The following ESR1 variants were observed in gnomAD, a reference collection of about 807,000 sequenced individuals.
The protein encoded by ESR1 is estrogen receptor 1.
Under a neutral mutation model 52.7 loss-of-function variants are expected in ESR1, and 12 were observed. The observed-to-expected ratio is 0.23, with a 90% CI of 0.15 to 0.37. The LOEUF (loss-of-function observed/expected upper bound fraction) is 0.37. ESR1 is among the 10% of genes least tolerant of loss of function. ESR1 has a pLI of 1.00. For synonymous variants in ESR1, 305 were observed against 316.8 expected (o/e 0.96, Z 0.39); for missense variants, 584 against 779.7 (o/e 0.75, Z 2.99).
intron 6 of ESR1, among the ~76,000 whole-genome samples, chr6:152,085,818 G>C (rs536750658): frequency 1.3e-5 from 2 of 152,304 alleles, no homozygotes; most frequent in South Asian, 4.1e-4. Flanking sequence ...TTTCAAGGGA[G>C]AGGGCCCAGA....
intron 4 of ESR1, among the ~76,000 whole-genome samples, chr6:151,996,848 G>C (rs116280429): frequency 7.9e-5 from 12 of 152,164 alleles, no homozygotes; most frequent in African/African-American, 2.9e-4. Flanking sequence ...ATCCATAAGT[G>C]CCACGCTTGG....
At chr6:151,663,482 T>TTCAA (rs1277791036) in intron 1 of ESR1, among the ~76,000 whole-genome samples, 2 of 152,362 alleles carry the variant, frequency 1.3e-5, no homozygotes, top group African/African-American at 4.8e-5. Context: ...CACCTTTTGT[T>TTCAA]TCAATTTTTT....
At chr6:151,728,740 A>G (rs1287954654) in intron 2 of ESR1, among the ~76,000 whole-genome samples, 1 of 152,154 alleles carries the variant, frequency 6.6e-6, no homozygotes, top group Non-Finnish European at 1.5e-5. Flanking sequence ...TGTTTACCAA[A>G]AAGAATGTCT....
intron 3 of ESR1, among the ~76,000 whole-genome samples, chr6:151,906,314 C>CT (rs988103503): frequency 4.6e-5 from 7 of 151,746 alleles, no homozygotes; most frequent in African/African-American, 1.2e-4. Flanking sequence ...AAACAGAAGA[C>CT]TTTTTTTAAA....
intron 1 of ESR1, among the ~76,000 whole-genome samples, chr6:151,810,148 C>A (rs1778570621): frequency 6.6e-6 from 1 of 152,046 alleles, no homozygotes; most frequent in Non-Finnish European, 1.5e-5. Context: ...CAGAGGGGAT[C>A]GCATCTTATT....
In ESR1 at chr6:151,981,486, C is replaced by T. The variant is rs1474175931; in HGVS notation, c.1097-30170C>T. ...AATAGTATTATGGAAACTTTCGACC[C>T]AAGGGAAATATCAAGGCTAAAGTTG... is the stretch of plus-strand genomic sequence containing the variant. On this transcript the variant is annotated intron_variant, in intron 4 of 7. Coordinates refer to ENST00000206249, the MANE Select transcript of ESR1 (RefSeq NM_000125.4). 4.6e-5 allele frequency among the ~76,000 whole-genome samples: 7 copies of T among 152,088 alleles called. No homozygotes were observed. The East Asian group carries it at 1.3e-3, about 29-fold the overall frequency.
intron 4 of ESR1, among the ~76,000 whole-genome samples, chr6:151,961,066 G>T (rs987286608): frequency 1.1e-4 from 16 of 152,186 alleles, no homozygotes; most frequent in African/African-American, 3.9e-4. Context: ...TGGCTATGTT[G>T]AATTTGAGAT....
intron 1 of ESR1, among the ~76,000 whole-genome samples, chr6:151,833,512 C>T (rs1010856300): frequency 1.3e-5 from 2 of 152,056 alleles, no homozygotes; most frequent in African/African-American, 4.8e-5. Context: ...GACAGGTTTG[C>T]AATGTGGAGG....
chr6:152,049,953 C>T (rs2046541702), intron 5 of ESR1, among the ~76,000 whole-genome samples: 1 of 152,198 alleles, frequency 6.6e-6, no homozygotes, highest in Non-Finnish European at 1.5e-5. Flanking sequence ...TCACTTCCTG[C>T]TTTGTTTTCA....
At position 151,766,788 on chromosome 6, in the gene ESR1, G is replaced by A. The variant is rs553121427; in HGVS notation, c.-70-41055G>A. On this transcript the variant is annotated intron_variant, in intron 2 of 2. Coordinates refer to the ESR1 transcript ENST00000404742. ...GGGAGAAAAATAGCTAACTTTTCTA[G>A]CGATAGATACATGTCAGAAGCTGTA... Among the ~76,000 whole-genome samples the A allele has an allele frequency of 2.0e-5, 3 of 152,282 alleles. No individual in the cohort carries two copies. The South Asian group carries it at 6.2e-4, about 32-fold the overall frequency.
At chr6:152,036,219 G>T (rs1221199756) in intron 5 of ESR1, among the ~76,000 whole-genome samples, 2 of 152,146 alleles carry the variant, frequency 1.3e-5, no homozygotes, top group Non-Finnish European at 2.9e-5. Context: ...AATTAGCTGG[G>T]CGTGGTGGCG....
intron 2 of ESR1, among the ~76,000 whole-genome samples, chr6:151,785,788 T>G (rs1207576026): frequency 6.6e-6 from 1 of 152,228 alleles, no homozygotes; most frequent in Non-Finnish European, 1.5e-5. Flanking sequence ...AATCCTGGAC[T>G]GCATTGTGGT....
At position 152,011,969 on chromosome 6, in the gene ESR1, G is replaced by A. The variant is rs13203975; in HGVS notation, c.1235+175G>A. 0.17 allele frequency among the ~76,000 whole-genome samples: 25,713 copies of A among 149,540 alleles called. 2,668 individuals carry two copies. Among genetic ancestry groups the A allele is most frequent in the East Asian group, 0.33 (1,664 of 5,020 alleles). On this transcript the variant is annotated intron_variant, in intron 5 of 7. Transcript: ENST00000206249. ...CTAGTCAAATTCACAGAAAGCTAAG[G>A]ATAACTTTCTGCTAGACATTACCTC...
intron 1 of ESR1, among the ~76,000 whole-genome samples, chr6:151,836,184 G>A (rs1783299886): frequency 6.6e-6 from 1 of 152,194 alleles, no homozygotes; most frequent in South Asian, 2.1e-4. Context: ...TAATGAGTTA[G>A]ATGTAGGAGA....
chr6:151,785,183 G>A lies in ESR1; in HGVS notation c.-70-22660G>A, dbSNP rs372469635. ...GACACCTGAAATTGGCCATCACAGT[G>A]ACCAAGACAGAAAGTGTAATGAGCA... On this transcript the variant is annotated intron_variant, in intron 2 of 2. Transcript: ENST00000404742. 1.6e-4 allele frequency among the ~76,000 whole-genome samples: 24 copies of A among 152,312 alleles called. No homozygotes were observed. The South Asian group carries it at 4.8e-3, about 30-fold the overall frequency.
intron 1 of ESR1, among the ~76,000 whole-genome samples, chr6:151,677,143 A>C (rs1778280464): frequency 6.6e-6 from 1 of 152,176 alleles, no homozygotes; most frequent in Non-Finnish European, 1.5e-5. Flanking sequence ...CAAGCTGAGC[A>C]AGAAGAAAAA....
intron 2 of ESR1, among the ~76,000 whole-genome samples, chr6:151,728,020 C>T (rs979847979): frequency 3.9e-5 from 6 of 152,132 alleles, no homozygotes; most frequent in African/African-American, 7.2e-5. Context: ...CAGGGGAAGG[C>T]CAAGCACCTT....
intron 1 of ESR1, among the ~76,000 whole-genome samples, chr6:151,661,579 T>G (rs745310692): frequency 2.0e-5 from 3 of 152,258 alleles, no homozygotes; most frequent in Admixed American, 6.5e-5. Context: ...AAAATAGTTA[T>G]GTGCACAGCC....
chr6:151,981,834 C>G (rs551710662), intron 4 of ESR1, among the ~76,000 whole-genome samples: 1 of 152,292 alleles, frequency 6.6e-6, no homozygotes, highest in Non-Finnish European at 1.5e-5. Flanking sequence ...AGCAGTTTGT[C>G]TGTCTGTCAT....
Sources: allele counts gnomAD v4.1 joint callset (sites outside exome capture counted in the v4.1 genomes callset), GRCh38; gene constraint gnomAD v4.1.1; transcripts MANE v1.5; gene names NCBI Gene and HGNC (gene_info 2026-07-23, HGNC 2026-07-21).